FBXL7: variants seen among roughly 807,000 people sequenced by gnomAD.
FBXL7 encodes F-box and leucine rich repeat protein 7.
A neutral mutation model predicts 38.3 loss-of-function variants in FBXL7; 12 were observed. The observed-to-expected ratio is 0.31, with a 90% CI of 0.20 to 0.51. The LOEUF (loss-of-function observed/expected upper bound fraction) is 0.51. FBXL7 is among the 20% of genes least tolerant of loss of function. The pLI is 0.98. For synonymous variants in FBXL7, 297 were observed against 300.9 expected, an observed-to-expected ratio of 0.99 and a Z score of 0.13; for missense variants, 567 against 676.4, an observed-to-expected ratio of 0.84 and a Z score of 1.79.
At chr5:15,789,743 C>T (rs1168205893) in intron 2 of FBXL7, among the ~76,000 whole-genome samples, 1 of 152,212 alleles carries the variant, frequency 6.6e-6, no homozygotes, top group Non-Finnish European at 1.5e-5. Flanking sequence ...AGTTCCCTGA[C>T]TCTGTTCCTA....
intron 2 of FBXL7, among the ~76,000 whole-genome samples, chr5:15,651,333 T>C (rs932055668): frequency 6.6e-6 from 1 of 152,088 alleles, no homozygotes; most frequent in East Asian, 1.9e-4. Context: ...CCTGACCTCA[T>C]GATCTGCCCA....
chr5:15,899,895 A>T (rs1741194137), intron 2 of FBXL7, among the ~76,000 whole-genome samples: 1 of 152,202 alleles, frequency 6.6e-6, no homozygotes, highest in Non-Finnish European at 1.5e-5. Context: ...TACACACCTA[A>T]GAAAATGTCG....
intron 2 of FBXL7, among the ~76,000 whole-genome samples, chr5:15,617,511 G>A (rs1272742159): frequency 6.6e-6 from 1 of 151,654 alleles, no homozygotes; most frequent in Non-Finnish European, 1.5e-5. Flanking sequence ...GACTAGGGTG[G>A]AGTGCCGTGG....
intron 2 of FBXL7, among the ~76,000 whole-genome samples, chr5:15,925,069 C>CTCTG (rs60114650): frequency 0.11 from 16,393 of 152,200 alleles, 1,142 homozygotes; most frequent in Admixed American, 0.24. Flanking sequence ...AGGAAATATA[C>CTCTG]TCTGTCTGAG....
At chr5:15,576,072 CTTTTTTTTTTTTTTT>C (rs35832237) in intron 1 of FBXL7, among the ~76,000 whole-genome samples, 3 of 74,260 alleles carry the variant, frequency 4.0e-5, no homozygotes, top group South Asian at 5.8e-4. Flanking sequence ...GAATCTCATT[CTTTTTTTTTTTTTTT>C]TTTTTTTTTT....
At chr5:15,834,875 TG>T (rs1353308844) in intron 2 of FBXL7, among the ~76,000 whole-genome samples, 3 of 152,202 alleles carry the variant, frequency 2.0e-5, no homozygotes, top group African/African-American at 7.2e-5. Context: ...ATCCTGCAAA[TG>T]GTATTGTTAA....
chr5:15,546,703 C>G (rs1451257449), intron 1 of FBXL7, among the ~76,000 whole-genome samples: 1 of 152,198 alleles, frequency 6.6e-6, no homozygotes, highest in South Asian at 2.1e-4. Context: ...TGCACTCCAG[C>G]CTGGGCTACA....
intron 2 of FBXL7, among the ~76,000 whole-genome samples, chr5:15,861,057 A>G (rs1426091389): frequency 1.3e-5 from 2 of 152,200 alleles, no homozygotes; most frequent in Non-Finnish European, 2.9e-5. Context: ...ATCTGTACCC[A>G]GTGTGTATTC....
chr5:15,684,641 AGAGCAAAG>A (rs778984822), intron 2 of FBXL7, among the ~76,000 whole-genome samples: 3 of 152,210 alleles, frequency 2.0e-5, no homozygotes, highest in Non-Finnish European at 4.4e-5. Flanking sequence ...TGTCCTTATA[AGAGCAAAG>A]GAGAAGAGTC....
At chr5:15,566,029 T>C (rs907878092) in intron 1 of FBXL7, among the ~76,000 whole-genome samples, 4 of 152,046 alleles carry the variant, frequency 2.6e-5, no homozygotes, top group African/African-American at 9.7e-5. Flanking sequence ...TGTAAAACTT[T>C]CCTTTTTTTT....
chr5:15,917,100 T>C (rs937704384), intron 2 of FBXL7, among the ~76,000 whole-genome samples: 10 of 152,166 alleles, frequency 6.6e-5, no homozygotes, highest in African/African-American at 2.4e-4. Flanking sequence ...AAGCTGCACA[T>C]AGTAGAGTTA....
intron 2 of FBXL7, among the ~76,000 whole-genome samples, chr5:15,842,796 T>C (rs1237763258): frequency 6.6e-6 from 1 of 152,232 alleles, no homozygotes; most frequent in East Asian, 1.9e-4. Context: ...TTTTGCTCAT[T>C]TGCCTTCCAC....
intron 2 of FBXL7, among the ~76,000 whole-genome samples, chr5:15,895,848 G>GA (rs1741088802): frequency 6.6e-6 from 1 of 151,426 alleles, no homozygotes; most frequent in Non-Finnish European, 1.5e-5. Context: ...GTTTCACTCT[G>GA]TTAGCCAGGA....
intron 2 of FBXL7, among the ~76,000 whole-genome samples, chr5:15,641,719 G>A (rs1281501865): frequency 6.6e-6 from 1 of 152,070 alleles, no homozygotes; most frequent in Non-Finnish European, 1.5e-5. Flanking sequence ...GGAATAAAAG[G>A]CTGAATGAAA....
chr5:15,662,980 G>C (rs1283458109), intron 2 of FBXL7, among the ~76,000 whole-genome samples: 1 of 152,058 alleles, frequency 6.6e-6, no homozygotes, highest in Non-Finnish European at 1.5e-5. Flanking sequence ...TTGGCTATTT[G>C]GGCTCTTTTT....
chr5:15,630,955 A>G (rs1467120152), intron 2 of FBXL7, among the ~76,000 whole-genome samples: 1 of 152,152 alleles, frequency 6.6e-6, no homozygotes, highest in African/African-American at 2.4e-5. Context: ...GTGAGGAGTA[A>G]ATTAAAAAAT....
intron 2 of FBXL7, among the ~76,000 whole-genome samples, chr5:15,673,670 A>G (rs1269974028): frequency 6.6e-6 from 1 of 152,192 alleles, no homozygotes; most frequent in Non-Finnish European, 1.5e-5. Flanking sequence ...AGCCACAGAA[A>G]AAAGTTAATC....
At chr5:15,527,968 C>G (rs1296460216) in intron 1 of FBXL7, among the ~76,000 whole-genome samples, 1 of 152,202 alleles carries the variant, frequency 6.6e-6, no homozygotes, top group Non-Finnish European at 1.5e-5. Flanking sequence ...AAGCCGTTCT[C>G]TTGACATTTC....
chr5:15,771,132 G>A (rs1049882921), intron 2 of FBXL7, among the ~76,000 whole-genome samples: 1 of 152,188 alleles, frequency 6.6e-6, no homozygotes, highest in African/African-American at 2.4e-5. Flanking sequence ...AGGTCACAGA[G>A]TCGGTCATTG....
Sources: allele counts gnomAD v4.1 joint callset (sites outside exome capture counted in the v4.1 genomes callset), GRCh38; gene constraint gnomAD v4.1.1; transcripts MANE v1.5; gene names NCBI Gene and HGNC (gene_info 2026-07-23, HGNC 2026-07-21).